INTS4: variants seen among roughly 807,000 people sequenced by gnomAD.
The protein encoded by INTS4 is MSTP093.
In INTS4, 70 loss-of-function variants were observed where a neutral mutation model predicts 119.5. The observed-to-expected ratio is 0.59, with a 90% confidence interval of 0.48 to 0.71. The LOEUF (loss-of-function observed/expected upper bound fraction) is 0.71, where lower values mean the gene tolerates loss of function less well. INTS4 is among the 30% of genes least tolerant of loss of function. The probability of loss-of-function intolerance (pLI) is 0.00; values close to 1 mark genes in which losing one functional copy is unlikely to be tolerated. For missense variants in INTS4, 867 were observed against 1,173.2 expected, an observed-to-expected ratio of 0.74 and a Z score of 3.81; for synonymous variants, 316 against 419.6, an observed-to-expected ratio of 0.75 and a Z score of 3.02.
chr11:77,883,473 AGACTC>A (rs1311495552), intron 22 of INTS4, among the ~76,000 whole-genome samples: 1 of 152,192 alleles, frequency 6.6e-6, no homozygotes, highest in Admixed American at 6.5e-5. Context: ...ATAAGGAAAA[AGACTC>A]AGAAAGGGAG....
intron 10 of INTS4, among the ~76,000 whole-genome samples, chr11:77,934,391 T>C (rs1007717460): frequency 1.4e-5 from 1 of 74,020 alleles, no homozygotes; most frequent in Admixed American, 1.3e-4. Flanking sequence ...GATCAATAAA[T>C]ACTAAAAAAA....
Position 77,938,718 on chromosome 11 carries a change from C to A in INTS4, c.1098G>T (p.Gly366=). The A allele has an allele frequency of 3.1e-6, 5 of 1,611,998 alleles. No homozygotes were observed. Among genetic ancestry groups the A allele is most frequent in the Non-Finnish European group, 4.2e-6 (5 of 1,179,864 alleles). The change falls in exon 10 of 23, where the codon GGG becomes GGT. Residue 366 remains glycine (G), a synonymous_variant. Coordinates refer to ENST00000534064, the MANE Select transcript of INTS4 (RefSeq NM_033547.4). ...DDAPKEEVDT[G]AVNLIESGAC... is the part of the protein sequence containing the mutation. ...CTCCTGACTCAATCAAGTTCACAGC[C>A]CCGGTATCTACTTCTTCCTTGGGAG... is the stretch of plus-strand genomic sequence containing the variant.
At chr11:77,970,195 G>C (rs139614999) in intron 4 of INTS4, among the ~76,000 whole-genome samples, 2 of 151,400 alleles carry the variant, frequency 1.3e-5, no homozygotes, top group South Asian at 4.2e-4. Context: ...TCAAGAGCTC[G>C]AGACCAGGCT....
intron 17 of INTS4, among the ~76,000 whole-genome samples, chr11:77,902,221 C>CT (rs1435481686): frequency 6.6e-6 from 1 of 152,062 alleles, no homozygotes; most frequent in African/African-American, 2.4e-5. Flanking sequence ...GTCTCAATCC[C>CT]TTTCTGTAAA....
intron 10 of INTS4, among the ~76,000 whole-genome samples, chr11:77,930,434 T>C (rs1452954661): frequency 6.6e-6 from 1 of 152,202 alleles, no homozygotes. Flanking sequence ...TAAGGCAAGC[T>C]AGAGATAAAC....
chr11:77,961,024 C>T lies in INTS4; in HGVS notation c.586G>A (p.Val196Ile), dbSNP rs1309577986. The stretch of plus-strand genomic sequence containing the variant: ...AAGTAATCCCCTATAATCTTCTGGA[C>T]ATCTCTGGCAGCTAGGCCTTCTGCA... Reference protein sequence around the residue: ...KDAEGLAARDVQKIIGDYFSD... With the variant: ...KDAEGLAARDIQKIIGDYFSD... The change falls in exon 5 of 23, where the codon GTC (valine) becomes ATC (isoleucine). Residue 196 changes from valine to isoleucine, a missense_variant. Around this residue, in one of 5 missense-constraint regions of INTS4, gnomAD observed 224 missense variants for 231.8 expected, o/e 0.97. Transcript: ENST00000534064. The T allele has an allele frequency of 6.2e-7, 1 of 1,613,628 alleles. No homozygotes were observed. The highest frequency in any genetic ancestry group is 2.2e-5 in the East Asian group (1 of 44,850).
chr11:77,966,549 T>C (rs1329137921), intron 4 of INTS4, among the ~76,000 whole-genome samples: 1 of 152,202 alleles, frequency 6.6e-6, no homozygotes, highest in Non-Finnish European at 1.5e-5. Flanking sequence ...TTGAATAGAT[T>C]GTCCTTTACC....
At chr11:77,924,210 C>A (rs1461792069) in intron 12 of INTS4, among the ~76,000 whole-genome samples, 3 of 148,846 alleles carry the variant, frequency 2.0e-5, no homozygotes, top group African/African-American at 7.4e-5. Context: ...GCCTAACCAA[C>A]ATGGTAAAAC....
chr11:77,956,741 A>C lies in INTS4; in HGVS notation c.798-679T>G, dbSNP rs1243408654. Among the ~76,000 whole-genome samples, 32 of 52,420 alleles carry C rather than the reference A, an allele frequency of 6.1e-4. 10 individuals are homozygous for C. Among genetic ancestry groups the C allele is most frequent in the African/African-American group, 1.1e-3 (13 of 11,306 alleles). 34.4% of individuals were successfully genotyped at this position (52,420 alleles called of 152,430 possible). ...TAATAATAATAATAATAATAATAATAATAATAATAATAATAATAAACAAAT... is the reference window on the plus strand; with the variant it reads ...TAATAATAATAATAATAATAATAATCATAATAATAATAATAATAAACAAAT... On this transcript the variant is annotated intron_variant, in intron 7 of 22. Transcript: ENST00000534064.
At chr11:77,964,697 AGGAG>A (rs1402098041) in intron 4 of INTS4, among the ~76,000 whole-genome samples, 2 of 151,938 alleles carry the variant, frequency 1.3e-5, no homozygotes, top group Non-Finnish European at 2.9e-5. Context: ...AATGGAAGGA[AGGAG>A]GAAGGAATGA....
At position 77,982,169 on chromosome 11, in the gene INTS4, A is replaced by G. The variant is rs181961833; in HGVS notation, c.247-593T>C. Among the ~76,000 whole-genome samples, 335 of 139,652 alleles carry G rather than the reference A, an allele frequency of 2.4e-3. 2 individuals are homozygous for G. The highest frequency in any genetic ancestry group is 8.6e-3 in the African/African-American group (320 of 37,134). The allele number at this position is 139,652 out of a possible 152,430, so 91.6% of individuals were successfully genotyped here. On this transcript the variant is annotated intron_variant, in intron 2 of 22. Transcript: ENST00000534064. ...TTTTTTTTTTTTGAAACAGGGTCTC[A>G]CTGTCTCCCAGGTCAGAGTGCAGTG...
chr11:77,933,355 T>C (rs1953704850), intron 10 of INTS4, among the ~76,000 whole-genome samples: 1 of 151,450 alleles, frequency 6.6e-6, no homozygotes, highest in Non-Finnish European at 1.5e-5. Flanking sequence ...GCCGAGTGCC[T>C]GGGATTGCAG....
chr11:77,940,431 A>C (rs989005519), intron 9 of INTS4, among the ~76,000 whole-genome samples: 4 of 151,116 alleles, frequency 2.6e-5, no homozygotes, highest in Non-Finnish European at 5.9e-5. Flanking sequence ...ACCCTGTTTC[A>C]AAAAAAAAGA....
chr11:77,920,248 TAC>T (rs1360791580), intron 14 of INTS4, among the ~76,000 whole-genome samples: 1 of 59,872 alleles, frequency 1.7e-5, no homozygotes, highest in Non-Finnish European at 3.3e-5. Context: ...TACATATATA[TAC>T]ATATATACAT....
chr11:77,964,579 T>A lies in INTS4; in HGVS notation c.472-3441A>T, dbSNP rs574558501. Among the ~76,000 whole-genome samples, 12 of 149,692 alleles carry A rather than the reference T, an allele frequency of 8.0e-5. No individual in the cohort carries two copies. The East Asian group carries it at 2.3e-3, about 29-fold the overall frequency. On this transcript the variant is annotated intron_variant, in intron 4 of 22. Transcript: ENST00000534064. The stretch of plus-strand genomic sequence containing the variant: ...ACAGAGCGAGACTCTTTCTCAAAAA[T>A]AAAAATAAAAATAAAAAATAAATAA...
chr11:77,968,789 T>C (rs1409531482), intron 4 of INTS4, among the ~76,000 whole-genome samples: 1 of 152,174 alleles, frequency 6.6e-6, no homozygotes, highest in Non-Finnish European at 1.5e-5. Context: ...GTGAATATCC[T>C]TGGTATATAT....
At chr11:77,919,612 T>C (rs1315257042) in intron 14 of INTS4, among the ~76,000 whole-genome samples, 3 of 152,242 alleles carry the variant, frequency 2.0e-5, no homozygotes, top group Admixed American at 2.0e-4. Context: ...CACTATCTTA[T>C]CTTTCACTTG....
intron 18 of INTS4, among the ~76,000 whole-genome samples, chr11:77,899,776 C>G (rs3018415): frequency 0.81 from 123,174 of 151,978 alleles, 50,234 homozygotes; most frequent in African/African-American, 0.9. Flanking sequence ...TTATAATGCT[C>G]GGTGAAAGGA....
intron 19 of INTS4, among the ~76,000 whole-genome samples, chr11:77,892,511 C>G (rs1437444806): frequency 6.6e-6 from 1 of 152,216 alleles, no homozygotes. Flanking sequence ...TGTGCAAAAA[C>G]AGACTCTCTA....
Sources: allele counts gnomAD v4.1 joint callset (sites outside exome capture counted in the v4.1 genomes callset), GRCh38; gene constraint gnomAD v4.1.1; regional missense constraint gnomAD v4.1.1; transcripts MANE v1.5; gene names NCBI Gene and HGNC (gene_info 2026-07-23, HGNC 2026-07-21).